Variants in GAL3ST2 observed in about 807,000 individuals in gnomAD.
GAL3ST2 encodes the protein beta-galactose-3-O-sulfotransferase 2.
GAL3ST2 carries 16 observed loss-of-function variants against 12.9 expected under a neutral mutation model. The ratio of observed to expected loss-of-function variants is 1.24; its 90% CI spans 0.84 to 1.88. GAL3ST2 has a LOEUF of 1.88. GAL3ST2 is among the 40% of genes most tolerant of loss of function. The pLI is 0.00. For synonymous variants in GAL3ST2, 302 were observed against 273.9 expected (o/e 1.10, Z -1.01); for missense variants, 639 against 571.8 (o/e 1.12, Z -1.20).
chr2:241,785,781 T>C (rs1456450377), intron 1 of GAL3ST2, among the ~76,000 whole-genome samples: 1 of 151,942 alleles, frequency 6.6e-6, no homozygotes, highest in Non-Finnish European at 1.5e-5. Flanking sequence ...AAAAAACTTT[T>C]GCTCAAAAAA....
In GAL3ST2 at chr2:241,793,654, G is replaced by T. The variant is rs992030504; in HGVS notation, c.30-5411G>T. ...GTGTTTGTGTGTACATATTGTGTAT[G>T]CATATGTGTGTGTATGCACATATTG... On this transcript the variant is annotated intron_variant, in intron 1 of 3. Coordinates refer to ENST00000192314, the MANE Select transcript of GAL3ST2 (RefSeq NM_022134.3). This position sits in a 1 kb window ranked among gnomAD's most constrained non-coding sequence, Gnocchi z 4.7. 1.3e-5 allele frequency among the ~76,000 whole-genome samples: 2 copies of T among 150,728 alleles called. No individual in the cohort carries two copies. Among genetic ancestry groups the T allele is most frequent in the Admixed American group, 1.3e-4 (2 of 14,858 alleles).
intron 1 of GAL3ST2, among the ~76,000 whole-genome samples, chr2:241,797,936 A>C (rs942872822): frequency 2.0e-5 from 3 of 152,188 alleles, no homozygotes; most frequent in African/African-American, 7.2e-5. Context: ...TGCCGAGTGC[A>C]GGTGTGGTGT....
intron 1 of GAL3ST2, among the ~76,000 whole-genome samples, chr2:241,794,315 C>T (rs868086505): frequency 4.1e-4 from 62 of 152,150 alleles, no homozygotes; most frequent in Non-Finnish European, 1.3e-4. Context: ...GAATTCTCCC[C>T]GAATGCCCTG....
In GAL3ST2 at chr2:241,778,781, A is replaced by T. The variant is rs1472334699; in HGVS notation, c.29+1797A>T. ...GACATCAGTCCGCATATGCAGGACG[A>T]ACATTGGTTCGGTCTGGAGAGGCAG... On this transcript the variant is annotated intron_variant, in intron 1 of 3. Coordinates refer to ENST00000192314, the MANE Select transcript of GAL3ST2 (RefSeq NM_022134.3). Among the ~76,000 whole-genome samples the T allele has an allele frequency of 2.0e-5, 3 of 152,144 alleles. No individual in the cohort carries two copies. The South Asian group carries it at 6.2e-4, about 32-fold the overall frequency.
intron 1 of GAL3ST2, among the ~76,000 whole-genome samples, chr2:241,797,525 T>A (rs1699787195): frequency 6.6e-6 from 1 of 152,006 alleles, no homozygotes; most frequent in Non-Finnish European, 1.5e-5. Context: ...CGGGCCAGCG[T>A]GTGGGAGTGA....
rs1699810847 is a variant in GAL3ST2, at chr2:241,799,067, A to G, written c.32A>G (p.Tyr11Cys). Reference sequence around the variant, plus strand: ...CTCATGGCCTGCCCTTTCCACAGATACTTCCGGGTCATCCTCCTCCTCCTC... The same window carrying G: ...CTCATGGCCTGCCCTTTCCACAGATGCTTCCGGGTCATCCTCCTCCTCCTC... The part of the protein sequence containing the change: MMSMLGGLQR[Y>C]FRVILLLLLA... Residue 11 changes from tyrosine to cysteine, a missense_variant and splice_region_variant, in exon 2 of 4, where the codon TAC becomes TGC. Tyr to Cys is a radical substitution (Grantham distance 194, BLOSUM62 -2). Coordinates refer to ENST00000192314, the MANE Select transcript of GAL3ST2 (RefSeq NM_022134.3). 1 of 1,613,044 alleles carries G rather than the reference A, an allele frequency of 6.2e-7. No homozygotes were observed. The highest frequency in any genetic ancestry group is 2.2e-5 in the East Asian group (1 of 44,836).
At position 241,802,222 on chromosome 2, in the gene GAL3ST2, GT is replaced by G. The variant is rs1699862253; in HGVS notation, c.375+187del. Among the ~76,000 whole-genome samples, 5 of 152,182 alleles carry G rather than the reference GT, an allele frequency of 3.3e-5. No homozygotes were observed. The highest frequency in any genetic ancestry group is 2.0e-4 in the Admixed American group (3 of 15,278). ...CAACCCCTGCCCCTCCAGGCGGCCA[GT>G]CGCCTGCCGTTGCTCTTGGAATGAG... On this transcript the variant is annotated intron_variant, in intron 3 of 3. Coordinates refer to ENST00000192314, the MANE Select transcript of GAL3ST2 (RefSeq NM_022134.3). This position sits in a 1 kb window ranked among gnomAD's most constrained non-coding sequence, Gnocchi z 4.8.
intron 1 of GAL3ST2, among the ~76,000 whole-genome samples, chr2:241,777,616 G>T (rs1486494541): frequency 6.6e-6 from 1 of 152,158 alleles, no homozygotes; most frequent in Non-Finnish European, 1.5e-5. Context: ...TGCGCTGGCA[G>T]GTCCCTGCCT....
At chr2:241,777,902 G>A (rs1441801554) in intron 1 of GAL3ST2, among the ~76,000 whole-genome samples, 1 of 152,210 alleles carries the variant, frequency 6.6e-6, no homozygotes, top group Non-Finnish European at 1.5e-5. Context: ...GTCGGCCAGG[G>A]CGGGTGTGCC....
In GAL3ST2 at chr2:241,803,940, A is replaced by G; in HGVS notation, c.971A>G (p.Asp324Gly). The part of the protein sequence containing the change: ...RRELASLCLQ[D>G]GGALKNHTQI... ...GAACTCGCGAGCCTGTGCCTGCAGG[A>G]CGGCGGCGCGCTCAAGAACCACACG... Residue 324 changes from aspartate (D) to glycine (G), a missense_variant, in exon 4 of 4, where the codon GAC becomes GGC. Asp to Gly is a moderately conservative substitution (Grantham distance 94). Transcript: ENST00000192314. The G allele has an allele frequency of 1.4e-6, 2 of 1,461,376 alleles. No homozygotes were observed. Among genetic ancestry groups the G allele is most frequent in the Non-Finnish European group, 1.8e-6 (2 of 1,109,588 alleles). The allele number at this position is 1,461,376 out of a possible 1,614,324, so 90.5% of individuals were successfully genotyped here.
chr2:241,799,155 G>A lies in GAL3ST2; in HGVS notation c.119+1G>A, dbSNP rs201322295. 49 of 1,612,696 alleles carry A rather than the reference G, an allele frequency of 3.0e-5. No homozygotes were observed. The highest frequency in any genetic ancestry group is 3.6e-5 in the Non-Finnish European group (43 of 1,179,186). On this transcript the variant is annotated splice_donor_variant, in intron 2 of 3. Coordinates refer to ENST00000192314, the MANE Select transcript of GAL3ST2 (RefSeq NM_022134.3). LOFTEE classifies it high-confidence loss of function. ...ACTCGGACTTAGAGCTGGACACACC[G>A]TAAGTCCTGCCCCCACCATAAGTCC... is the stretch of plus-strand genomic sequence containing the variant.
rs552958204 is a variant in GAL3ST2 at position 241,802,598 on chromosome 2, G to T, written c.375+562G>T. Among the ~76,000 whole-genome samples the T allele has an allele frequency of 6.6e-6, 1 of 151,244 alleles. No individual in the cohort carries two copies. On this transcript the variant is annotated intron_variant, in intron 3 of 3. Transcript: ENST00000192314. The surrounding 1 kb of genome is among the most constrained non-coding windows in gnomAD (Gnocchi z 4.8). ...TGGGGAGAGGTGATGGGCAGAGAGC[G>T]GGGCAGCGGGGGTGTGCTGTGGGGT...
chr2:241,790,082 G>C (rs981289238), intron 1 of GAL3ST2, among the ~76,000 whole-genome samples: 1 of 152,056 alleles, frequency 6.6e-6, no homozygotes, highest in Non-Finnish European at 1.5e-5. Flanking sequence ...TTGTGTCTTT[G>C]ACTATGGTTG....
intron 1 of GAL3ST2, among the ~76,000 whole-genome samples, chr2:241,779,992 A>G (rs1699547256): frequency 6.6e-6 from 1 of 152,104 alleles, no homozygotes; most frequent in South Asian, 2.1e-4. Context: ...GTCTCAAAAA[A>G]AAAAAAAGTG....
chr2:241,787,760 C>T (rs769350385), intron 1 of GAL3ST2, among the ~76,000 whole-genome samples: 1 of 152,048 alleles, frequency 6.6e-6, no homozygotes, highest in Non-Finnish European at 1.5e-5. Context: ...TCTTGGCTAA[C>T]GTGACAACCA....
At chr2:241,780,311 G>C (rs1699551874) in intron 1 of GAL3ST2, among the ~76,000 whole-genome samples, 1 of 152,136 alleles carries the variant, frequency 6.6e-6, no homozygotes, top group African/African-American at 2.4e-5. Context: ...ATGAGGTCAG[G>C]AGTTTGAGAC....
In GAL3ST2 at chr2:241,803,800, G is replaced by GCTGGA. The variant is rs1559419876; in HGVS notation, c.836_840dup (p.Arg281ThrfsTer92). ...GGGAGCGCGCGCGGAGCTGGTGCGC[G>GCTGGA]CTGGACTGGCGCCTGTACGAGCATT... On this transcript the variant is annotated frameshift_variant, in exon 4 of 4. Transcript: ENST00000192314. LOFTEE classifies it low-confidence loss of function (END_TRUNC). 6.7e-7 allele frequency: 1 copy of GCTGGA among 1,500,502 alleles called. No individual in the cohort carries two copies. Among genetic ancestry groups the GCTGGA allele is most frequent in the Admixed American group, 2.3e-5 (1 of 43,122 alleles). 92.9% of individuals were successfully genotyped at this position (1,500,502 alleles called of 1,614,324 possible). A position where few individuals can be genotyped will look rare whatever the true frequency, so the allele number is the denominator to read the frequency against.
At chr2:241,786,874 G>T (rs1162040484) in intron 1 of GAL3ST2, among the ~76,000 whole-genome samples, 5 of 151,944 alleles carry the variant, frequency 3.3e-5, no homozygotes, top group African/African-American at 1.2e-4. Flanking sequence ...AAAATATCTT[G>T]GGCCCCTGAA....
chr2:241,802,144 C>G lies in GAL3ST2; in HGVS notation c.375+108C>G. 83 of 792,072 alleles carry G rather than the reference C, an allele frequency of 1.0e-4. No homozygotes were observed. Among genetic ancestry groups the G allele is most frequent in the Middle Eastern group, 4.3e-4 (1 of 2,310 alleles). The allele number at this position is 792,072 out of a possible 1,614,324, so 49.1% of individuals were successfully genotyped here. On this transcript the variant is annotated intron_variant, in intron 3 of 3. Transcript: ENST00000192314. This position sits in a 1 kb window ranked among gnomAD's most constrained non-coding sequence, Gnocchi z 4.8. ...AGAGAAGGAGTGTAAGGCTTGGGGG[C>G]GGGGCGTGCAGAAGGCGGGTTGGGA...
Sources: allele counts gnomAD v4.1 joint callset (sites outside exome capture counted in the v4.1 genomes callset), GRCh38; gene constraint gnomAD v4.1.1; non-coding constraint Gnocchi (gnomAD v3.1); transcripts MANE v1.5; gene names NCBI Gene and HGNC (gene_info 2026-07-23, HGNC 2026-07-21).